Variants in SRGAP1 observed in about 807,000 individuals in gnomAD.
The protein encoded by SRGAP1 is SLIT-ROBO Rho GTPase-activating protein 1.
SRGAP1 carries 43 observed loss-of-function variants against 121.9 expected under a neutral mutation model. The observed-to-expected ratio is 0.35, with a 90% confidence interval of 0.28 to 0.46. The LOEUF (loss-of-function observed/expected upper bound fraction) is 0.46, where lower values mean the gene tolerates loss of function less well. Ranked by LOEUF, SRGAP1 falls within the 20% of genes least tolerant of loss-of-function variation. SRGAP1 has a pLI of 1.00. For missense variants in SRGAP1, 1,102 were observed against 1,350.9 expected, an observed-to-expected ratio of 0.82 and a Z score of 2.89; for synonymous variants, 447 against 485.4, an observed-to-expected ratio of 0.92 and a Z score of 1.04.
rs1565701785 is a variant in SRGAP1 at position 64,145,468 on chromosome 12, G to A, written c.*2796G>A. ...TGCAGAGCCTCACAGGCTGTGCCTT[G>A]TTTCAGGAAACAGCTCCTAATACTC... On this transcript the variant is annotated 3_prime_UTR_variant, in exon 22 of 22. Coordinates refer to ENST00000355086, the MANE Select transcript of SRGAP1 (RefSeq NM_020762.4). 1 of 152,050 alleles carries A rather than the reference G, an allele frequency of 6.6e-6. No individual in the cohort carries two copies. Among genetic ancestry groups the A allele is most frequent in the Non-Finnish European group, 1.5e-5 (1 of 68,048 alleles). 9.4% of individuals were successfully genotyped at this position (152,050 alleles called of 1,614,324 possible).
intron 21 of SRGAP1, among the ~76,000 whole-genome samples, chr12:64,135,766 C>T (rs528445645): frequency 7.8e-4 from 119 of 152,300 alleles, no homozygotes; most frequent in African/African-American, 2.8e-3. Flanking sequence ...TATTCTGTCC[C>T]TCTAGAACCA....
chr12:63,904,505 C>T (rs2030103943), intron 1 of SRGAP1, among the ~76,000 whole-genome samples: 1 of 152,220 alleles, frequency 6.6e-6, no homozygotes, highest in African/African-American at 2.4e-5. Flanking sequence ...GTTTTATTCT[C>T]TCCAGCTGTA....
At position 64,147,453 on chromosome 12, in the gene SRGAP1, T is replaced by C; in HGVS notation, c.*4781T>C. The C allele has an allele frequency of 4.7e-6, 1 of 212,630 alleles. No homozygotes were observed. The highest frequency in any genetic ancestry group is 9.2e-6 in the Non-Finnish European group (1 of 108,278). 13.2% of individuals were successfully genotyped at this position (212,630 alleles called of 1,614,324 possible). A position where few individuals can be genotyped will look rare whatever the true frequency, so the allele number is the denominator to read the frequency against. On this transcript the variant is annotated 3_prime_UTR_variant, in exon 22 of 22. Coordinates refer to ENST00000355086, the MANE Select transcript of SRGAP1 (RefSeq NM_020762.4). ...TTCCCCATCCCCGCCTTCCTGTGCC[T>C]CGGTGCTCAGTAATGTCCCATCTCA...
chr12:64,018,905 A>G (rs1175401102), intron 4 of SRGAP1, among the ~76,000 whole-genome samples: 1 of 152,228 alleles, frequency 6.6e-6, no homozygotes, highest in Non-Finnish European at 1.5e-5. Context: ...TGAGACTTCC[A>G]AAGAGGAACA....
Position 64,150,948 on chromosome 12 carries a change from A to AAAAAAAAAAAAC in SRGAP1, c.*8287_*8288insCAAAAAAAAAAA, listed in dbSNP as rs1490836275. On this transcript the variant is annotated 3_prime_UTR_variant, in exon 22 of 22. Coordinates refer to ENST00000355086, the MANE Select transcript of SRGAP1 (RefSeq NM_020762.4). ...AGAAGCTATCTCAAAAAAAAAAAAA[A>AAAAAAAAAAAAC]AAAAAAAAAAAACATGGTCAAGATT... The AAAAAAAAAAAAC allele has an allele frequency of 6.8e-6, 1 of 148,062 alleles. No homozygotes were observed. Among genetic ancestry groups the AAAAAAAAAAAAC allele is most frequent in the Non-Finnish European group, 1.5e-5 (1 of 66,704 alleles). The allele number at this position is 148,062 out of a possible 1,614,324, so 9.2% of individuals were successfully genotyped here.
intron 1 of SRGAP1, among the ~76,000 whole-genome samples, chr12:63,928,766 C>G (rs1289586332): frequency 6.6e-6 from 1 of 152,088 alleles, no homozygotes; most frequent in African/African-American, 2.4e-5. Context: ...GCTTGTTTTC[C>G]TGGAACTGGA....
At chr12:63,922,369 A>T (rs573793580) in intron 1 of SRGAP1, among the ~76,000 whole-genome samples, 20 of 152,216 alleles carry the variant, frequency 1.3e-4, no homozygotes, top group African/African-American at 4.6e-4. Context: ...TGATGTCCAT[A>T]TGTAAAACAG....
At chr12:63,914,537 C>T (rs780750959) in intron 1 of SRGAP1, among the ~76,000 whole-genome samples, 3 of 152,112 alleles carry the variant, frequency 2.0e-5, no homozygotes, top group East Asian at 3.8e-4. Context: ...AATCTTTTTC[C>T]GTGTGAACAA....
chr12:64,050,029 AAT>A lies in SRGAP1; in HGVS notation c.801+6457_801+6458del, dbSNP rs2035210096. Among the ~76,000 whole-genome samples the A allele has an allele frequency of 5.9e-5, 9 of 152,220 alleles. 1 individual carries two copies. The South Asian group carries it at 1.9e-3, about 32-fold the overall frequency. On this transcript the variant is annotated intron_variant, in intron 6 of 21. Coordinates refer to ENST00000355086, the MANE Select transcript of SRGAP1 (RefSeq NM_020762.4). ...TGATTCTCCCAATCCATGAACATGGAATATCTTTCCATTTTGTTGTATTTTCA... is the reference window on the plus strand; with the variant it reads ...TGATTCTCCCAATCCATGAACATGGAATCTTTCCATTTTGTTGTATTTTCA...
At chr12:63,942,575 C>T (rs2031906256) in intron 1 of SRGAP1, among the ~76,000 whole-genome samples, 1 of 152,198 alleles carries the variant, frequency 6.6e-6, no homozygotes, top group South Asian at 2.1e-4. Context: ...CGGTCTAGAT[C>T]TTCAGAAGAG....
rs114570325 is a variant in SRGAP1 at position 63,857,068 on chromosome 12, T to C, written c.67+12185T>C. Among the ~76,000 whole-genome samples, 722 of 152,190 alleles carry C rather than the reference T, an allele frequency of 4.7e-3. 8 individuals carry two copies. The highest frequency in any genetic ancestry group is 0.017 in the African/African-American group (702 of 41,524). ...CAAGAGTGTTTTCTACTTTCTATTA[T>C]GCAGAAATGCAATTTACTGCTTTTT... On this transcript the variant is annotated intron_variant, in intron 1 of 21. Transcript: ENST00000355086.
At chr12:63,972,598 C>T (rs1334961807) in intron 1 of SRGAP1, among the ~76,000 whole-genome samples, 1 of 152,116 alleles carries the variant, frequency 6.6e-6, no homozygotes, top group African/African-American at 2.4e-5. Flanking sequence ...TTGTTGAGTA[C>T]CTACTATGTG....
intron 18 of SRGAP1, among the ~76,000 whole-genome samples, chr12:64,125,433 A>G (rs578138487): frequency 6.6e-6 from 1 of 152,348 alleles, no homozygotes; most frequent in South Asian, 2.1e-4. Context: ...ATAGTGCCAG[A>G]GAGCACATGG....
At position 64,005,658 on chromosome 12, in the gene SRGAP1, A is replaced by G. The variant is rs550106812; in HGVS notation, c.427-11292A>G. On this transcript the variant is annotated intron_variant, in intron 3 of 21. Transcript: ENST00000355086. Reference sequence around the variant, plus strand: ...AAGACCCTGTCTCTTAAAAAAAAATAAAAATAAAAAAAAGTTTTAACTCTT... The same window carrying G: ...AAGACCCTGTCTCTTAAAAAAAAATGAAAATAAAAAAAAGTTTTAACTCTT... 2.6e-5 allele frequency among the ~76,000 whole-genome samples: 4 copies of G among 152,184 alleles called. No individual in the cohort carries two copies. In the South Asian group the frequency reaches 8.3e-4, roughly 32 times the overall value.
chr12:63,851,868 C>G (rs1473671366), intron 1 of SRGAP1, among the ~76,000 whole-genome samples: 1 of 151,964 alleles, frequency 6.6e-6, no homozygotes, highest in Non-Finnish European at 1.5e-5. Flanking sequence ...CATCTGGCCT[C>G]CTTGTTGTCT....
At chr12:63,897,597 T>G in intron 1 of SRGAP1, among the ~76,000 whole-genome samples, 1 of 152,238 alleles carries the variant, frequency 6.6e-6, no homozygotes, top group South Asian at 2.1e-4. Flanking sequence ...CAAGAATTCT[T>G]TTGGTAACAA....
At position 63,855,887 on chromosome 12, in the gene SRGAP1, C is replaced by T. The variant is rs549325273; in HGVS notation, c.67+11004C>T. On this transcript the variant is annotated intron_variant, in intron 1 of 21. Transcript: ENST00000355086. ...GAGTTTTGTTTTGTTTTAGTATGTTCGTGATGTTAGTCTCTTGCCAGTTAT... is the reference window on the plus strand; with the variant it reads ...GAGTTTTGTTTTGTTTTAGTATGTTTGTGATGTTAGTCTCTTGCCAGTTAT... Among the ~76,000 whole-genome samples the T allele has an allele frequency of 4.6e-5, 7 of 152,090 alleles. No individual in the cohort carries two copies. The South Asian group carries it at 1.2e-3, about 27-fold the overall frequency.
intron 1 of SRGAP1, among the ~76,000 whole-genome samples, chr12:63,891,235 C>T (rs761424033): frequency 1.1e-4 from 16 of 152,276 alleles, no homozygotes; most frequent in Non-Finnish European, 2.4e-4. Flanking sequence ...TCTTGTTATC[C>T]GAGGAAACTC....
chr12:64,080,205 T>C, intron 9 of SRGAP1, 81 bp from the exon 10 acceptor site: 3 of 1,198,476 alleles, frequency 2.5e-6, no homozygotes. Flanking sequence ...ATCGCGCCAC[T>C]GCACTCCAGC....
Sources: allele counts gnomAD v4.1 joint callset (sites outside exome capture counted in the v4.1 genomes callset), GRCh38; gene constraint gnomAD v4.1.1; transcripts MANE v1.5; gene names NCBI Gene and HGNC (gene_info 2026-07-23, HGNC 2026-07-21).